The following GPAM variants were observed in gnomAD, a reference collection of about 807,000 sequenced individuals.
The protein encoded by GPAM is glycerol-3-phosphate acyltransferase, mitochondrial.
GPAM carries 56 observed loss-of-function variants against 105.0 expected under a neutral mutation model. The observed-to-expected ratio is 0.53, with a 90% CI of 0.43 to 0.67. The LOEUF is 0.67. Among genes scored for constraint, GPAM ranks in the 30% least tolerant of loss-of-function variants. The pLI, the probability that GPAM is intolerant of heterozygous loss-of-function variation, is 0.00. For missense variants in GPAM, 855 were observed against 989.8 expected (o/e 0.86, Z 1.83); for synonymous variants, 368 against 354.4 (o/e 1.04, Z -0.43).
intron 7 of GPAM, 50 bp from the exon 8 acceptor site, chr10:112,173,116 T>G (rs752678296): frequency 6.8e-6 from 7 of 1,033,508 alleles, no homozygotes; most frequent in Non-Finnish European, 9.2e-6. Flanking sequence ...CACACGTTAT[T>G]TTTACATACA....
At chr10:112,158,206 C>T (rs1161709163) in intron 18 of GPAM, 110 bp downstream of exon 18, 2 of 821,212 alleles carry the variant, frequency 2.4e-6, no homozygotes, top group African/African-American at 1.7e-5. Flanking sequence ...GCTGGGATTA[C>T]AGGCACATGC....
At position 112,153,286 on chromosome 10, in the gene GPAM, T is replaced by C; in HGVS notation, c.*264A>G. 9.3e-6 allele frequency: 12 copies of C among 1,284,012 alleles called. No homozygotes were observed. Among genetic ancestry groups the C allele is most frequent in the South Asian group, 1.8e-5 (1 of 55,324 alleles). The allele number at this position is 1,284,012 out of a possible 1,614,324, so 79.5% of individuals were successfully genotyped here. On this transcript the variant is annotated 3_prime_UTR_variant, in exon 22 of 22. Transcript: ENST00000348367. ...TTTAATAAACTCAAAAATAATTTATTGAGATTTCATCTTGTAGTCTACGGA... is the reference window on the plus strand; with the variant it reads ...TTTAATAAACTCAAAAATAATTTATCGAGATTTCATCTTGTAGTCTACGGA...
intron 10 of GPAM, 36 bp from the exon 11 acceptor site, chr10:112,168,560 G>T: frequency 7.4e-7 from 1 of 1,347,430 alleles, no homozygotes; most frequent in South Asian, 1.2e-5. Context: ...ATACATTCAA[G>T]ACCACTCAAC....
chr10:112,225,327 A>T, the GPAM span, among the ~76,000 whole-genome samples: 145 of 152,298 alleles, frequency 9.5e-4, no homozygotes, highest in African/African-American at 3.4e-3. Flanking sequence ...TGGAGGGAAG[A>T]GTCCTGAGGG....
At chr10:112,203,913 C>G (rs183508296) in intron 1 of GPAM, among the ~76,000 whole-genome samples, 1 of 152,240 alleles carries the variant, frequency 6.6e-6, no homozygotes, top group East Asian at 1.9e-4. Flanking sequence ...TCCTTGGAGC[C>G]CCTAGTCAGT....
intron 3 of GPAM, 137 bp downstream of exon 3, chr10:112,181,546 G>T: frequency 1.5e-6 from 1 of 669,172 alleles, no homozygotes; most frequent in Non-Finnish European, 2.8e-6. Context: ...TTTTTATTAG[G>T]CTTCATAAAC....
intron 5 of GPAM, among the ~76,000 whole-genome samples, chr10:112,176,909 T>C (rs1008151728): frequency 2.0e-5 from 3 of 152,220 alleles, no homozygotes; most frequent in Non-Finnish European, 4.4e-5. Context: ...CTCGTCATCA[T>C]AGCAAATGCG....
At chr10:112,195,289 A>G (rs74156598) in intron 1 of GPAM, among the ~76,000 whole-genome samples, 9,350 of 152,274 alleles carry the variant, frequency 0.061, 1,006 homozygotes, top group African/African-American at 0.21. Flanking sequence ...AGATTTTAGA[A>G]CAAAAACTAA....
upstream of GPAM, among the ~76,000 whole-genome samples, chr10:112,216,025 G>A (rs1013194405): frequency 2.0e-5 from 3 of 152,116 alleles, no homozygotes; most frequent in Admixed American, 2.0e-4. Context: ...GTGTAGGGGC[G>A]AATAAAGGCC....
At position 112,151,232 on chromosome 10, in the gene GPAM, T is replaced by C; in HGVS notation, c.*2318A>G. ...TTACAAGCACCTAGTTTGTTTAACC[T>C]TATGTGGAAGCCATCACTGTTGGAA... On this transcript the variant is annotated 3_prime_UTR_variant, in exon 22 of 22. Transcript: ENST00000348367. 1 of 985,666 alleles carries C rather than the reference T, an allele frequency of 1.0e-6. No individual in the cohort carries two copies. The highest frequency in any genetic ancestry group is 1.2e-6 in the Non-Finnish European group (1 of 829,764). The allele number at this position is 985,666 out of a possible 1,614,324, so 61.1% of individuals were successfully genotyped here. A position where few individuals can be genotyped will look rare whatever the true frequency, so the allele number is the denominator to read the frequency against.
At position 112,161,740 on chromosome 10, in the gene GPAM, G is replaced by A. The variant is rs1406030697; in HGVS notation, c.1424-3C>T. 2.5e-6 allele frequency: 4 copies of A among 1,613,636 alleles called. No individual in the cohort carries two copies. The highest frequency in any genetic ancestry group is 3.4e-6 in the Non-Finnish European group (4 of 1,179,546). ...AATGGCACAGGACTTGCTAGCAGCT[G>A]GAAGGCAAACACAAAGCTTTTTTTA... On this transcript the variant is annotated splice_region_variant and splice_polypyrimidine_tract_variant and intron_variant, in intron 14 of 21. Coordinates refer to ENST00000348367, the MANE Select transcript of GPAM (RefSeq NM_001244949.2).
At chr10:112,212,829 G>C (rs771423731) in intron 1 of GPAM, among the ~76,000 whole-genome samples, 2 of 152,222 alleles carry the variant, frequency 1.3e-5, no homozygotes, top group Non-Finnish European at 2.9e-5. Flanking sequence ...AAAGCACTCA[G>C]CACAGTGCCT....
At position 112,171,255 on chromosome 10, in the gene GPAM, C is replaced by T. The variant is rs549420307; in HGVS notation, c.794+927G>A. ...AAACACCTGGGAATCTTGCTCCTTC[C>T]TCTCCCCCTCTATTGAGCCCCCATA... On this transcript the variant is annotated intron_variant, in intron 9 of 21. Transcript: ENST00000348367. Among the ~76,000 whole-genome samples the T allele has an allele frequency of 3.3e-5, 5 of 152,246 alleles. No individual in the cohort carries two copies. The East Asian group carries it at 7.7e-4, about 24-fold the overall frequency.
intron 12 of GPAM, 150 bp downstream of exon 12, chr10:112,166,252 A>T: frequency 1.5e-6 from 1 of 660,288 alleles, no homozygotes. Flanking sequence ...GGAAAAATTT[A>T]GGCAACACCA....
intron 1 of GPAM, among the ~76,000 whole-genome samples, chr10:112,214,822 C>G (rs1053113843): frequency 6.6e-6 from 1 of 152,204 alleles, no homozygotes. Context: ...CCAAAACCTT[C>G]TCAGGATTTG....
chr10:112,164,049 C>A (rs964187230), intron 13 of GPAM, among the ~76,000 whole-genome samples: 1 of 152,152 alleles, frequency 6.6e-6, no homozygotes, highest in Non-Finnish European at 1.5e-5. Flanking sequence ...CTTCCAAAAC[C>A]ACTGGCAGAA....
At chr10:112,194,401 G>T (rs577239592) in intron 1 of GPAM, among the ~76,000 whole-genome samples, 54 of 152,172 alleles carry the variant, frequency 3.5e-4, no homozygotes, top group African/African-American at 1.2e-3. Context: ...CATTTTAAAA[G>T]GTTGTCTTTG....
chr10:112,211,129 G>C (rs547556835), intron 1 of GPAM, among the ~76,000 whole-genome samples: 2 of 152,264 alleles, frequency 1.3e-5, no homozygotes, highest in East Asian at 3.9e-4. Context: ...CCAGGGGAGT[G>C]AATACTGGGA....
At chr10:112,206,828 AAAT>A (rs1282728758) in intron 1 of GPAM, among the ~76,000 whole-genome samples, 3 of 144,934 alleles carry the variant, frequency 2.1e-5, no homozygotes, top group African/African-American at 8.3e-5. Context: ...ATAAAAAAAA[AAAT>A]TTAAAAAAAA....
Sources: allele counts gnomAD v4.1 joint callset (sites outside exome capture counted in the v4.1 genomes callset), GRCh38; gene constraint gnomAD v4.1.1; transcripts MANE v1.5; gene names NCBI Gene and HGNC (gene_info 2026-07-23, HGNC 2026-07-21).